GRK5: variants seen among roughly 807,000 people sequenced by gnomAD.
The protein encoded by GRK5 is g protein-coupled receptor kinase GRK5.
In GRK5, 40 loss-of-function variants were observed where a neutral mutation model predicts 78.4. The observed-to-expected ratio is 0.51, with a 90% confidence interval of 0.40 to 0.66. The LOEUF is 0.66. GRK5 is among the 30% of genes least tolerant of loss of function. GRK5 has a pLI of 0.00. For missense variants in GRK5, 598 were observed against 759.9 expected (o/e 0.79, Z 2.50); for synonymous variants, 289 against 296.8 (o/e 0.97, Z 0.27).
At chr10:119,401,869 CAACA>C (rs980940496) in intron 4 of GRK5, among the ~76,000 whole-genome samples, 6 of 152,232 alleles carry the variant, frequency 3.9e-5, no homozygotes, top group Non-Finnish European at 8.8e-5. Flanking sequence ...CTAGCTGCCA[CAACA>C]AACAAACCCC....
chr10:119,212,996 C>T (rs897780060), intron 1 of GRK5: 5 of 152,154 alleles, frequency 3.3e-5, no homozygotes, highest in Admixed American at 2.6e-4. Context: ...GGTGACCTTT[C>T]GGGAGTGGGG....
chr10:119,421,944 A>C (rs866317857), intron 4 of GRK5, among the ~76,000 whole-genome samples: 2 of 151,942 alleles, frequency 1.3e-5, no homozygotes, highest in Non-Finnish European at 2.9e-5. Context: ...CGTCCCCTCC[A>C]CCCCCAGGGA....
chr10:119,426,078 A>G (rs902201280), intron 6 of GRK5, among the ~76,000 whole-genome samples: 1 of 152,208 alleles, frequency 6.6e-6, no homozygotes, highest in Non-Finnish European at 1.5e-5. Context: ...GAGGCCTGGC[A>G]TGCACAGCCA....
At chr10:119,354,906 A>G (rs1218756356) in intron 2 of GRK5, among the ~76,000 whole-genome samples, 1 of 152,214 alleles carries the variant, frequency 6.6e-6, no homozygotes, top group Non-Finnish European at 1.5e-5. Context: ...GGAGTTGAGA[A>G]TGCATGGATT....
At chr10:119,329,254 A>T (rs574299591) in intron 2 of GRK5, among the ~76,000 whole-genome samples, 1 of 152,204 alleles carries the variant, frequency 6.6e-6, no homozygotes, top group Non-Finnish European at 1.5e-5. Context: ...GAAAATATGA[A>T]ATATAGGATT....
chr10:119,359,825 C>CG (rs988154695), intron 2 of GRK5, among the ~76,000 whole-genome samples: 11 of 151,934 alleles, frequency 7.2e-5, no homozygotes, highest in African/African-American at 1.7e-4. Context: ...GTGATGTTCC[C>CG]GGGGGGGAGG....
chr10:119,301,942 C>A (rs1341851067), intron 1 of GRK5, among the ~76,000 whole-genome samples: 1 of 152,230 alleles, frequency 6.6e-6, no homozygotes. Flanking sequence ...TGAAATCTTT[C>A]TGCTTTTGTA....
At chr10:119,278,668 T>C (rs77724107) in intron 1 of GRK5, among the ~76,000 whole-genome samples, 3,886 of 152,214 alleles carry the variant, frequency 0.026, 72 homozygotes, top group Admixed American at 0.055. Flanking sequence ...TCATTGCCCC[T>C]TCCTAGGTTC....
At chr10:119,339,601 A>T (rs1850949858) in intron 2 of GRK5, among the ~76,000 whole-genome samples, 1 of 152,118 alleles carries the variant, frequency 6.6e-6, no homozygotes, top group Non-Finnish European at 1.5e-5. Context: ...CCAAATTCAA[A>T]AACAAAAACT....
Position 119,267,297 on chromosome 10 carries a change from G to A in GRK5, c.53-59219G>A, listed in dbSNP as rs1024776591. On this transcript the variant is annotated intron_variant, in intron 1 of 15. Coordinates refer to ENST00000392870, the MANE Select transcript of GRK5 (RefSeq NM_005308.3). This position sits in a 1 kb window ranked among gnomAD's most constrained non-coding sequence, Gnocchi z 4.1. ...AGGGTCTGCCTGTGTTGCCCAGGCT[G>A]GTCTCAAACTCCCTGCTTTAAGCGA... Among the ~76,000 whole-genome samples, 1 of 152,140 alleles carries A rather than the reference G, an allele frequency of 6.6e-6. No homozygotes were observed. Among genetic ancestry groups the A allele is most frequent in the Non-Finnish European group, 1.5e-5 (1 of 68,018 alleles).
chr10:119,297,623 G>A (rs1379278740), intron 1 of GRK5, among the ~76,000 whole-genome samples: 1 of 152,250 alleles, frequency 6.6e-6, no homozygotes, highest in Non-Finnish European at 1.5e-5. Flanking sequence ...GAGCGGGTTT[G>A]TTATGACAAG....
chr10:119,283,685 C>G (rs952556860), intron 1 of GRK5, among the ~76,000 whole-genome samples: 5 of 152,314 alleles, frequency 3.3e-5, no homozygotes, highest in African/African-American at 1.2e-4. Flanking sequence ...ATGCTGATGG[C>G]TTCCCTGAGA....
chr10:119,337,898 A>G (rs1174602773), intron 2 of GRK5, among the ~76,000 whole-genome samples: 1 of 152,152 alleles, frequency 6.6e-6, no homozygotes, highest in Non-Finnish European at 1.5e-5. Context: ...TTGGGAGTAC[A>G]GGCGTGAGCC....
At chr10:119,385,358 G>A (rs1851778166) in intron 3 of GRK5, among the ~76,000 whole-genome samples, 1 of 152,098 alleles carries the variant, frequency 6.6e-6, no homozygotes, top group East Asian at 1.9e-4. Context: ...TCAACCTCCT[G>A]GACTCAAGTG....
chr10:119,403,621 T>G (rs1343970603), intron 4 of GRK5, among the ~76,000 whole-genome samples: 4 of 152,142 alleles, frequency 2.6e-5, no homozygotes, highest in Non-Finnish European at 2.9e-5. Flanking sequence ...CTTGTGTTAT[T>G]TCTACCTTTT....
intron 1 of GRK5, among the ~76,000 whole-genome samples, chr10:119,303,501 G>C (rs946711810): frequency 2.0e-5 from 3 of 152,144 alleles, no homozygotes; most frequent in Admixed American, 2.0e-4. Flanking sequence ...TCCATGGGCC[G>C]GGAGGAGCTC....
intron 4 of GRK5, among the ~76,000 whole-genome samples, chr10:119,397,261 C>G (rs1852070360): frequency 6.6e-6 from 1 of 152,158 alleles, no homozygotes; most frequent in South Asian, 2.1e-4. Flanking sequence ...CAGGGGCCAC[C>G]CCGACCCCAC....
chr10:119,307,106 C>G (rs1850284155), intron 1 of GRK5, among the ~76,000 whole-genome samples: 1 of 152,076 alleles, frequency 6.6e-6, no homozygotes, highest in Non-Finnish European at 1.5e-5. Flanking sequence ...CTTAACTATG[C>G]TAAATGCTTT....
chr10:119,331,131 C>T (rs1307342233), intron 2 of GRK5, among the ~76,000 whole-genome samples: 2 of 152,188 alleles, frequency 1.3e-5, no homozygotes, highest in African/African-American at 2.4e-5. Context: ...GACCACCCCC[C>T]CGCCGCGACC....
Sources: allele counts gnomAD v4.1 joint callset (sites outside exome capture counted in the v4.1 genomes callset), GRCh38; gene constraint gnomAD v4.1.1; non-coding constraint Gnocchi (gnomAD v3.1); transcripts MANE v1.5; gene names NCBI Gene and HGNC (gene_info 2026-07-23, HGNC 2026-07-21).